SPIN1: variants seen among roughly 807,000 people sequenced by gnomAD.
SPIN1 encodes spindlin-1.
In SPIN1, 3 loss-of-function variants were observed where a neutral mutation model predicts 26.0. That is an observed-to-expected ratio of 0.12 (90% CI 0.05 to 0.30). The LOEUF is 0.30. Among genes scored for constraint, SPIN1 ranks in the 10% least tolerant of loss-of-function variants. The probability of loss-of-function intolerance (pLI) is 1.00; values close to 1 mark genes in which losing one functional copy is unlikely to be tolerated. For missense variants in SPIN1, 126 were observed against 333.4 expected, an observed-to-expected ratio of 0.38 and a Z score of 4.84; for synonymous variants, 101 against 116.5, an observed-to-expected ratio of 0.87 and a Z score of 0.86.
chr9:88,438,962 G>A (rs555014223), intron 2 of SPIN1, among the ~76,000 whole-genome samples: 10 of 152,020 alleles, frequency 6.6e-5, no homozygotes, highest in African/African-American at 1.9e-4. Context: ...TTCATGAGGC[G>A]GTTGACTAGA....
intron 2 of SPIN1, among the ~76,000 whole-genome samples, chr9:88,448,624 AG>A (rs1421895467): frequency 6.6e-6 from 1 of 152,150 alleles, no homozygotes; most frequent in East Asian, 1.9e-4. Flanking sequence ...CTGGGATTAC[AG>A]GGATGAGCCT....
At chr9:88,459,885 T>C (rs1828543582) in intron 3 of SPIN1, among the ~76,000 whole-genome samples, 2 of 152,236 alleles carry the variant, frequency 1.3e-5, no homozygotes, top group Non-Finnish European at 2.9e-5. Flanking sequence ...AATCCTTGGC[T>C]CACATTTTCT....
chr9:88,396,908 T>G (rs4330775), intron 1 of SPIN1, among the ~76,000 whole-genome samples: 49,508 of 151,988 alleles, frequency 0.33, 15,178 homozygotes, highest in African/African-American at 0.81. Context: ...AGGTATTTAT[T>G]TATCTAAACA....
intron 1 of SPIN1, among the ~76,000 whole-genome samples, chr9:88,413,729 T>C (rs952609058): frequency 1.3e-5 from 2 of 152,106 alleles, no homozygotes; most frequent in Non-Finnish European, 2.9e-5. Flanking sequence ...TAAAAATCAA[T>C]TGTGGGGTGG....
intron 2 of SPIN1, among the ~76,000 whole-genome samples, chr9:88,428,562 A>G (rs1200351634): frequency 6.6e-6 from 1 of 152,176 alleles, no homozygotes; most frequent in Non-Finnish European, 1.5e-5. Flanking sequence ...CGATTTTGAA[A>G]TCATCTTGTG....
In SPIN1 at chr9:88,405,892, G is replaced by C. The variant is rs922295589; in HGVS notation, c.-159+17354G>C. On this transcript the variant is annotated intron_variant, in intron 1 of 5. Coordinates refer to ENST00000375859, the MANE Select transcript of SPIN1 (RefSeq NM_006717.3). Reference sequence around the variant, plus strand: ...TCGCTCTGGCCAAGGCTGGAGTGCAGTGGTGCCATCTTGGCTCACTGCAAC... The same window carrying C: ...TCGCTCTGGCCAAGGCTGGAGTGCACTGGTGCCATCTTGGCTCACTGCAAC... 4.6e-5 allele frequency among the ~76,000 whole-genome samples: 7 copies of C among 152,134 alleles called. No homozygotes were observed. In the East Asian group the frequency reaches 1.2e-3, roughly 25 times the overall value.
At chr9:88,444,293 T>A (rs1253271625) in intron 2 of SPIN1, among the ~76,000 whole-genome samples, 1 of 144,232 alleles carries the variant, frequency 6.9e-6, no homozygotes, top group African/African-American at 2.7e-5. Context: ...TAGGCTGGAG[T>A]GCAGTGGCGG....
intron 3 of SPIN1, among the ~76,000 whole-genome samples, chr9:88,459,806 C>G (rs1309827742): frequency 6.6e-6 from 1 of 152,192 alleles, no homozygotes; most frequent in African/African-American, 2.4e-5. Context: ...TGCCTTCTGA[C>G]ATGTTCGTTA....
At chr9:88,415,106 G>A (rs560342463) in intron 1 of SPIN1, among the ~76,000 whole-genome samples, 21 of 151,944 alleles carry the variant, frequency 1.4e-4, no homozygotes, top group African/African-American at 3.6e-4. Flanking sequence ...GGGTTTCACC[G>A]TGTTAGCCAG....
intron 3 of SPIN1, among the ~76,000 whole-genome samples, chr9:88,457,295 G>A (rs1016972984): frequency 1.3e-5 from 2 of 152,142 alleles, no homozygotes; most frequent in Non-Finnish European, 2.9e-5. Context: ...TTGGGAGACT[G>A]AGGTGGGGCG....
chr9:88,452,463 C>T (rs1024741884), intron 3 of SPIN1, among the ~76,000 whole-genome samples: 2 of 152,186 alleles, frequency 1.3e-5, no homozygotes, highest in African/African-American at 4.8e-5. Flanking sequence ...CATCTATGTG[C>T]ACCATGGTGT....
In SPIN1 at chr9:88,475,217, T is replaced by C; in HGVS notation, c.729T>C (p.Tyr243=). 1 of 1,614,122 alleles carries C rather than the reference T, an allele frequency of 6.2e-7. No individual in the cohort carries two copies. The highest frequency in any genetic ancestry group is 8.5e-7 in the Non-Finnish European group (1 of 1,180,000). The stretch of plus-strand genomic sequence containing the variant: ...AAGTAGAAGCCAAGCCCTCCGTCTA[T>C]TTCATCAAGTTTGATGATGATTTCC... ...IHQVEAKPSV[Y]FIKFDDDFHI... is the part of the protein sequence containing the mutation. Residue 243 remains tyrosine, a synonymous_variant, in exon 6 of 6, where the codon TAT becomes TAC. Coordinates refer to ENST00000375859, the MANE Select transcript of SPIN1 (RefSeq NM_006717.3).
chr9:88,419,023 A>G (rs1339708863), intron 1 of SPIN1: 1 of 152,196 alleles, frequency 6.6e-6, no homozygotes, highest in African/African-American at 2.4e-5. Flanking sequence ...TTCAGAATTT[A>G]AGTTCATGAC....
At chr9:88,414,685 G>A (rs987507450) in intron 1 of SPIN1, among the ~76,000 whole-genome samples, 1 of 152,124 alleles carries the variant, frequency 6.6e-6, no homozygotes, top group Non-Finnish European at 1.5e-5. Flanking sequence ...AAATATATGT[G>A]ATTTCTATTG....
At chr9:88,415,163 C>A (rs886254272) in intron 1 of SPIN1, among the ~76,000 whole-genome samples, 2 of 152,134 alleles carry the variant, frequency 1.3e-5, no homozygotes, top group Non-Finnish European at 2.9e-5. Flanking sequence ...CTCAGCCTCC[C>A]AAAGTGCTGG....
rs551598171 is a variant in SPIN1 at position 88,410,625 on chromosome 9, A to G, written c.-158-15757A>G. ...GTTTGGCATAGTATTGGCCTCCACC[A>G]CCATAGGGGCCAGAGCTTCTGCCTC... On this transcript the variant is annotated intron_variant, in intron 1 of 5. Transcript: ENST00000375859. 3.0e-5 allele frequency: 31 copies of G among 1,027,160 alleles called. No homozygotes were observed. The African/African-American group carries it at 3.9e-4, about 13-fold the overall frequency. 63.6% of individuals were successfully genotyped at this position (1,027,160 alleles called of 1,614,324 possible).
At position 88,477,153 on chromosome 9, in the gene SPIN1, C is replaced by A. The variant is rs1450105377; in HGVS notation, c.*1876C>A. 6.6e-6 allele frequency: 1 copy of A among 152,170 alleles called. No individual in the cohort carries two copies. Among genetic ancestry groups the A allele is most frequent in the Admixed American group, 6.5e-5 (1 of 15,272 alleles). 9.4% of individuals were successfully genotyped at this position (152,170 alleles called of 1,614,324 possible). ...TGTGAACAGGTGTCATTCTACAGAT[C>A]TGTTATGTGTTTTCCTGTTGACTCT... On this transcript the variant is annotated 3_prime_UTR_variant, in exon 6 of 6. Transcript: ENST00000375859.
At chr9:88,424,774 AG>A (rs1827734391) in intron 1 of SPIN1, among the ~76,000 whole-genome samples, 1 of 152,198 alleles carries the variant, frequency 6.6e-6, no homozygotes, top group African/African-American at 2.4e-5. Context: ...GATGAAGTGT[AG>A]GGTAAGTGGT....
chr9:88,389,000 CG>C (rs1389190986), intron 1 of SPIN1, among the ~76,000 whole-genome samples: 22 of 88,708 alleles, frequency 2.5e-4, no homozygotes, highest in Middle Eastern at 0.01. Flanking sequence ...GGGCCGGCGA[CG>C]GGGGCGGGGC....
Sources: gnomAD v4.1 joint callset for allele counts (sites outside exome capture counted in the v4.1 genomes callset) on GRCh38, gnomAD v4.1.1 for gene constraint, MANE v1.5 for transcripts, NCBI Gene and HGNC (gene_info 2026-07-23, HGNC 2026-07-21) for gene names.